The following SAMD3 variants were observed in gnomAD, a reference collection of about 807,000 sequenced individuals.
SAMD3 encodes the protein sterile alpha motif domain containing 3.
A neutral mutation model predicts 58.5 loss-of-function variants in SAMD3; 63 were observed. The observed-to-expected ratio is 1.08, with a 90% CI of 0.88 to 1.33. SAMD3 has a LOEUF of 1.33. Among genes scored for constraint, SAMD3 ranks in the 40% most tolerant of loss-of-function variants. The probability of loss-of-function intolerance (pLI) is 0.00; values close to 1 mark genes in which losing one functional copy is unlikely to be tolerated. For synonymous variants in SAMD3, 220 were observed against 210.3 expected, an observed-to-expected ratio of 1.05 and a Z score of -0.40; for missense variants, 604 against 608.4, an observed-to-expected ratio of 0.99 and a Z score of 0.08.
intron 1 of SAMD3, among the ~76,000 whole-genome samples, chr6:130,356,617 G>A (rs933604552): frequency 2.5e-4 from 38 of 152,198 alleles, no homozygotes; most frequent in African/African-American, 9.2e-4. Context: ...CATGAAAAGT[G>A]TATTGAATAA....
chr6:130,178,333 C>T (rs1791931975), intron 7 of SAMD3, among the ~76,000 whole-genome samples: 1 of 150,756 alleles, frequency 6.6e-6, no homozygotes, highest in African/African-American at 2.5e-5. Flanking sequence ...CTCTTCTCCG[C>T]TGCAATGCCG....
At chr6:130,190,315 C>CAAA (rs66979213) in intron 5 of SAMD3, among the ~76,000 whole-genome samples, 6 of 147,880 alleles carry the variant, frequency 4.1e-5, no homozygotes, top group African/African-American at 1.5e-4. Flanking sequence ...ATGTAACGTA[C>CAAA]AAAAAAAAAA....
chr6:130,265,023 C>T (rs949286484), intron 2 of SAMD3, among the ~76,000 whole-genome samples: 2 of 152,182 alleles, frequency 1.3e-5, no homozygotes, highest in African/African-American at 4.8e-5. Flanking sequence ...TAAGCTAACT[C>T]TTAGGCAAAA....
chr6:130,166,721 CT>C (rs1790765847), intron 8 of SAMD3, among the ~76,000 whole-genome samples: 1 of 152,166 alleles, frequency 6.6e-6, no homozygotes, highest in South Asian at 2.1e-4. Flanking sequence ...GGCAATGGAT[CT>C]AAAGAGGTAA....
chr6:130,354,643 G>A (rs558206802), intron 1 of SAMD3, among the ~76,000 whole-genome samples: 1 of 151,978 alleles, frequency 6.6e-6, no homozygotes, highest in Non-Finnish European at 1.5e-5. Context: ...CAGACACTGG[G>A]GCCTATGTGA....
chr6:130,271,211 G>A (rs1456668041), intron 2 of SAMD3, among the ~76,000 whole-genome samples: 1 of 151,962 alleles, frequency 6.6e-6, no homozygotes, highest in East Asian at 1.9e-4. Context: ...TGTTGCCCAG[G>A]TTGGTCTGGA....
At chr6:130,209,691 C>T in intron 4 of SAMD3, 83 bp from the exon 5 acceptor site, 2 of 806,660 alleles carry the variant, frequency 2.5e-6, no homozygotes, top group South Asian at 3.2e-5. Flanking sequence ...GTAGCACCAG[C>T]CCAGAGTAAA....
At chr6:130,343,643 A>G (rs1777343247) in intron 1 of SAMD3, among the ~76,000 whole-genome samples, 1 of 152,088 alleles carries the variant, frequency 6.6e-6, no homozygotes, top group Non-Finnish European at 1.5e-5. Context: ...GCAGGAGAAA[A>G]GGTATCAGTG....
intron 9 of SAMD3, among the ~76,000 whole-genome samples, chr6:130,153,665 T>TA (rs869206260): frequency 0.35 from 31,045 of 88,012 alleles, 5,719 homozygotes; most frequent in African/African-American, 0.39. Context: ...TATATATATA[T>TA]TTATTTATTT....
At chr6:130,166,855 A>G (rs1011085409) in intron 8 of SAMD3, among the ~76,000 whole-genome samples, 3 of 152,228 alleles carry the variant, frequency 2.0e-5, no homozygotes, top group Non-Finnish European at 4.4e-5. Flanking sequence ...TCTCAGCAGC[A>G]TTTTGAAGGC....
intron 4 of SAMD3, among the ~76,000 whole-genome samples, chr6:130,211,991 C>A (rs1010157448): frequency 6.6e-6 from 1 of 150,846 alleles, no homozygotes; most frequent in Non-Finnish European, 1.5e-5. Context: ...GTTGAAGAAG[C>A]TAAAACTAAA....
intron 8 of SAMD3, chr6:130,162,139 A>G (rs1451017672): frequency 7.8e-6 from 5 of 637,454 alleles, no homozygotes; most frequent in South Asian, 5.4e-5. Flanking sequence ...AGCGTATGCT[A>G]TGCTTCCTTT....
chr6:130,209,070 T>C (rs1162888184), intron 5 of SAMD3, among the ~76,000 whole-genome samples: 1 of 152,200 alleles, frequency 6.6e-6, no homozygotes, highest in South Asian at 2.1e-4. Flanking sequence ...ATAACTGGAA[T>C]ATAAAGCAAA....
intron 4 of SAMD3, among the ~76,000 whole-genome samples, chr6:130,213,441 A>G (rs1362661300): frequency 6.6e-6 from 1 of 152,074 alleles, no homozygotes; most frequent in Non-Finnish European, 1.5e-5. Context: ...TGCTTATGTC[A>G]GGTCCCTACC....
intron 1 of SAMD3, among the ~76,000 whole-genome samples, chr6:130,220,647 C>T (rs919066124): frequency 2.0e-5 from 3 of 152,086 alleles, no homozygotes; most frequent in East Asian, 3.8e-4. Context: ...AATATACATA[C>T]GTGGTTATAT....
intron 1 of SAMD3, among the ~76,000 whole-genome samples, chr6:130,218,145 C>T (rs764026852): frequency 6.6e-6 from 1 of 152,102 alleles, no homozygotes; most frequent in Admixed American, 6.6e-5. Flanking sequence ...CTCACAGACA[C>T]TTTGAAGGGT....
At chr6:130,296,327 C>T (rs1210882424) in intron 2 of SAMD3, among the ~76,000 whole-genome samples, 2 of 152,068 alleles carry the variant, frequency 1.3e-5, no homozygotes, top group East Asian at 3.9e-4. Context: ...AGGAAAGCAG[C>T]AAGAGTCTGG....
intron 2 of SAMD3, among the ~76,000 whole-genome samples, chr6:130,271,052 C>A (rs1210710121): frequency 6.6e-6 from 1 of 151,430 alleles, no homozygotes; most frequent in African/African-American, 2.4e-5. Context: ...GGCTGAAGTG[C>A]ACTGTGGCGC....
upstream of SAMD3, among the ~76,000 whole-genome samples, chr6:130,225,927 G>A (rs1796371820): frequency 6.6e-6 from 1 of 151,164 alleles, no homozygotes; most frequent in Non-Finnish European, 1.5e-5. Context: ...CCTGATGTTG[G>A]CTTAATCCTG....
Sources: gnomAD v4.1 joint callset for allele counts (sites outside exome capture counted in the v4.1 genomes callset) on GRCh38, gnomAD v4.1.1 for gene constraint, MANE v1.5 for transcripts, NCBI Gene and HGNC (gene_info 2026-07-23, HGNC 2026-07-21) for gene names.